NR3C2: variants seen among roughly 807,000 people sequenced by gnomAD.
NR3C2 encodes mineralocorticoid receptor.
NR3C2 carries 15 observed loss-of-function variants against 86.4 expected under a neutral mutation model. The observed-to-expected ratio is 0.17, with a 90% CI of 0.12 to 0.27. The LOEUF (loss-of-function observed/expected upper bound fraction) is 0.27, where lower values mean the gene tolerates loss of function less well. Ranked by LOEUF, NR3C2 falls within the 10% of genes least tolerant of loss-of-function variation. The probability of loss-of-function intolerance (pLI) is 1.00; values close to 1 mark genes in which losing one functional copy is unlikely to be tolerated. For missense variants in NR3C2, 960 were observed against 1,195.6 expected (o/e 0.80, Z 2.91); for synonymous variants, 458 against 450.5 (o/e 1.02, Z -0.21).
intron 2 of NR3C2, among the ~76,000 whole-genome samples, chr4:148,264,399 C>T (rs1014623195): frequency 1.3e-5 from 2 of 152,190 alleles, no homozygotes; most frequent in African/African-American, 4.8e-5. Flanking sequence ...TCACCTTCTT[C>T]TTAGACACTG....
chr4:148,420,575 G>T lies in NR3C2; in HGVS notation c.1757+14529C>A, dbSNP rs550717867. On this transcript the variant is annotated intron_variant, in intron 2 of 8. Transcript: ENST00000358102. The stretch of plus-strand genomic sequence containing the variant: ...GGATCTTGAATGTTATCTAGATTGG[G>T]TGTTCCTAAAAGTGAGGACTTCCTC... Among the ~76,000 whole-genome samples the T allele has an allele frequency of 7.2e-5, 11 of 152,216 alleles. No homozygotes were observed. In the East Asian group the frequency reaches 1.7e-3, roughly 24 times the overall value.
intron 8 of NR3C2, among the ~76,000 whole-genome samples, chr4:148,106,587 G>T (rs1042245250): frequency 2.0e-5 from 3 of 152,150 alleles, no homozygotes; most frequent in Non-Finnish European, 4.4e-5. Context: ...AAAAGTTGGA[G>T]GCATTATGCT....
chr4:148,425,214 A>G (rs1346440606), intron 2 of NR3C2, among the ~76,000 whole-genome samples: 1 of 152,182 alleles, frequency 6.6e-6, no homozygotes, highest in Admixed American at 6.5e-5. Context: ...CTCAATATTT[A>G]CTGAACATGA....
At chr4:148,360,685 T>C (rs756136917) in intron 2 of NR3C2, among the ~76,000 whole-genome samples, 8 of 152,232 alleles carry the variant, frequency 5.3e-5, no homozygotes, top group Non-Finnish European at 8.8e-5. Flanking sequence ...ATATTTTGAT[T>C]CTGACTGAAA....
intron 4 of NR3C2, among the ~76,000 whole-genome samples, chr4:148,183,104 G>T (rs1019528703): frequency 5.9e-5 from 9 of 152,128 alleles, no homozygotes; most frequent in African/African-American, 2.2e-4. Flanking sequence ...AGTTTGCTGA[G>T]AATGATGGTT....
intron 8 of NR3C2, among the ~76,000 whole-genome samples, chr4:148,089,853 C>T (rs912274579): frequency 3.3e-5 from 5 of 152,308 alleles, no homozygotes; most frequent in Non-Finnish European, 7.4e-5. Context: ...GCACACCCAC[C>T]GCAGCGCTCG....
intron 2 of NR3C2, among the ~76,000 whole-genome samples, chr4:148,429,707 A>C (rs1258068271): frequency 6.6e-6 from 1 of 152,226 alleles, no homozygotes; most frequent in Non-Finnish European, 1.5e-5. Context: ...AGAGACCCTA[A>C]TGTTTAAAAT....
At chr4:148,178,638 AG>A (rs1465463154) in intron 4 of NR3C2, among the ~76,000 whole-genome samples, 1 of 151,424 alleles carries the variant, frequency 6.6e-6, no homozygotes, top group Non-Finnish European at 1.5e-5. Flanking sequence ...TTTCTACCAA[AG>A]GGCCCTGTGA....
At chr4:148,121,552 A>C (rs1169055157) in intron 6 of NR3C2, among the ~76,000 whole-genome samples, 2 of 152,192 alleles carry the variant, frequency 1.3e-5, no homozygotes, top group Non-Finnish European at 2.9e-5. Context: ...AAAATGGCAG[A>C]GTTAAGGCCC....
At chr4:148,268,993 G>C (rs900000813) in intron 2 of NR3C2, among the ~76,000 whole-genome samples, 2 of 152,120 alleles carry the variant, frequency 1.3e-5, no homozygotes, top group Non-Finnish European at 2.9e-5. Context: ...AAACATGTTC[G>C]ACAAGAGAAA....
At chr4:148,337,793 T>C (rs1744567300) in intron 2 of NR3C2, among the ~76,000 whole-genome samples, 1 of 152,206 alleles carries the variant, frequency 6.6e-6, no homozygotes, top group Admixed American at 6.5e-5. Flanking sequence ...CATTAGCACA[T>C]TTATAATGCG....
chr4:148,418,788 A>T (rs1749130497), intron 2 of NR3C2, among the ~76,000 whole-genome samples: 3 of 152,228 alleles, frequency 2.0e-5, no homozygotes, highest in Admixed American at 2.0e-4. Context: ...AAGGACTGTT[A>T]GTGTCACTAT....
chr4:148,232,171 G>A, intron 3 of NR3C2, among the ~76,000 whole-genome samples: 1 of 152,198 alleles, frequency 6.6e-6, no homozygotes, highest in East Asian at 1.9e-4. Flanking sequence ...TTATAGAATG[G>A]TGAATTCTTT....
intron 6 of NR3C2, among the ~76,000 whole-genome samples, chr4:148,125,148 A>G (rs575886915): frequency 1.3e-5 from 2 of 152,348 alleles, no homozygotes; most frequent in South Asian, 2.1e-4. Flanking sequence ...TGCCATGGGT[A>G]TAAGCATTTT....
At chr4:148,257,106 T>C (rs1383528964) in intron 3 of NR3C2, among the ~76,000 whole-genome samples, 1 of 152,210 alleles carries the variant, frequency 6.6e-6, no homozygotes. Flanking sequence ...TATTTCCTTT[T>C]AGCTTTAAAT....
At chr4:148,126,438 T>G (rs1396288411) in intron 6 of NR3C2, among the ~76,000 whole-genome samples, 1 of 152,218 alleles carries the variant, frequency 6.6e-6, no homozygotes, top group East Asian at 1.9e-4. Context: ...TATTATGTTA[T>G]TATTTTAAAT....
intron 2 of NR3C2, among the ~76,000 whole-genome samples, chr4:148,324,268 G>A (rs1743824309): frequency 6.6e-6 from 1 of 151,840 alleles, no homozygotes; most frequent in Middle Eastern, 3.4e-3. Context: ...ACATCCTCCA[G>A]ATTCATCCAT....
intron 3 of NR3C2, among the ~76,000 whole-genome samples, chr4:148,199,045 C>T (rs1579002960): frequency 7.0e-6 from 1 of 142,806 alleles, no homozygotes; most frequent in Admixed American, 7.1e-5. Context: ...TGCACCATTG[C>T]ACTCCAGCCT....
At chr4:148,363,268 T>C (rs937250514) in intron 2 of NR3C2, among the ~76,000 whole-genome samples, 1 of 152,206 alleles carries the variant, frequency 6.6e-6, no homozygotes, top group South Asian at 2.1e-4. Context: ...TTCAGGGCTG[T>C]TGGCGTTGTC....
Sources: allele counts gnomAD v4.1 joint callset (sites outside exome capture counted in the v4.1 genomes callset), GRCh38; gene constraint gnomAD v4.1.1; transcripts MANE v1.5; gene names NCBI Gene and HGNC (gene_info 2026-07-23, HGNC 2026-07-21).